The following SLC24A2 variants were observed in gnomAD, a reference collection of about 807,000 sequenced individuals.
SLC24A2 encodes the protein solute carrier family 24 member 2.
SLC24A2 carries 36 observed loss-of-function variants against 62.0 expected under a neutral mutation model. That is an observed-to-expected ratio of 0.58 (90% CI 0.44 to 0.77). The LOEUF is 0.77. Among genes scored for constraint, SLC24A2 ranks in the 30% least tolerant of loss-of-function variants. SLC24A2 has a pLI of 0.00. For missense variants in SLC24A2, 846 were observed against 817.9 expected (o/e 1.03, Z -0.42); for synonymous variants, 358 against 294.0 (o/e 1.22, Z -2.23).
intron 2 of SLC24A2, among the ~76,000 whole-genome samples, chr9:19,642,374 G>T (rs1480304360): frequency 6.6e-6 from 1 of 152,170 alleles, no homozygotes; most frequent in East Asian, 1.9e-4. Flanking sequence ...AGTCTGGCAG[G>T]GGCCAGAGCA....
chr9:20,258,861 T>C, the SLC24A2 span, among the ~76,000 whole-genome samples: 21,331 of 139,226 alleles, frequency 0.15, 1,852 homozygotes, highest in South Asian at 0.19. Context: ...ATCTAATGTC[T>C]ATCTATCCAT....
chr9:19,993,289 T>C, the SLC24A2 span, among the ~76,000 whole-genome samples: 1 of 152,218 alleles, frequency 6.6e-6, no homozygotes, highest in South Asian at 2.1e-4. Context: ...CTAGCTTTAA[T>C]AGTATTTATT....
At position 19,513,663 on chromosome 9, in the gene SLC24A2, G is replaced by T. The variant is rs1397365897; in HGVS notation, c.*2490C>A. ...GAGGCAGAGGGAGGATCAGGAATAAGAAGAGGGCGGCATCAGGTCTCCTTC... is the reference window on the plus strand; with the variant it reads ...GAGGCAGAGGGAGGATCAGGAATAATAAGAGGGCGGCATCAGGTCTCCTTC... On this transcript the variant is annotated 3_prime_UTR_variant, in exon 11 of 11. Transcript: ENST00000341998. 2 of 152,214 alleles carry T rather than the reference G, an allele frequency of 1.3e-5. No individual in the cohort carries two copies. The highest frequency in any genetic ancestry group is 2.9e-5 in the Non-Finnish European group (2 of 68,068). The allele number at this position is 152,214 out of a possible 1,614,324, so 9.4% of individuals were successfully genotyped here.
chr9:19,561,812 GGTTT>G (rs1222117713), intron 7 of SLC24A2, among the ~76,000 whole-genome samples: 1 of 152,000 alleles, frequency 6.6e-6, no homozygotes, highest in Non-Finnish European at 1.5e-5. Context: ...ACCATCATAT[GGTTT>G]GTTTTATATA....
the SLC24A2 span, among the ~76,000 whole-genome samples, chr9:20,230,640 G>A: frequency 1.4e-4 from 21 of 152,126 alleles, no homozygotes; most frequent in African/African-American, 5.1e-4. Context: ...TTAGCCCTTT[G>A]TCAGACGAGT....
chr9:19,573,375 G>C lies in SLC24A2; in HGVS notation c.1323C>G (p.His441Gln), dbSNP rs776304021. 1 of 1,612,334 alleles carries C rather than the reference G, an allele frequency of 6.2e-7. No homozygotes were observed. The highest frequency in any genetic ancestry group is 1.1e-5 in the South Asian group (1 of 91,024). The change falls in exon 7 of 11, where the codon CAC (histidine) becomes CAG (glutamine). Residue 441 changes from histidine to glutamine, a missense_variant. Transcript: ENST00000341998. The stretch of plus-strand genomic sequence containing the variant: ...CCTGGGCTTCTGCACCTTCAATGTT[G>C]TGGGAGAGATTTCCATTTTGTACAG... ...SEPVQNGNLS[H>Q]NIEGAEAQTA...
chr9:19,766,886 C>T (rs543169840), intron 2 of SLC24A2, among the ~76,000 whole-genome samples: 3 of 152,170 alleles, frequency 2.0e-5, no homozygotes, highest in Non-Finnish European at 4.4e-5. Context: ...GCTGAAGCTA[C>T]GCCCACAGCC....
chr9:20,195,903 G>T, the SLC24A2 span, among the ~76,000 whole-genome samples: 4 of 151,988 alleles, frequency 2.6e-5, no homozygotes, highest in Admixed American at 6.5e-5. Flanking sequence ...CAAAAAAAAG[G>T]TTATATAAAA....
chr9:19,942,870 A>G, the SLC24A2 span, among the ~76,000 whole-genome samples: 1 of 152,126 alleles, frequency 6.6e-6, no homozygotes. Flanking sequence ...TGAGCCAACA[A>G]AGACTTGAAG....
chr9:19,772,408 C>T (rs1157834701), intron 2 of SLC24A2, among the ~76,000 whole-genome samples: 1 of 152,150 alleles, frequency 6.6e-6, no homozygotes. Flanking sequence ...CTAGGAGCTG[C>T]TGTATCTATG....
intron 2 of SLC24A2, among the ~76,000 whole-genome samples, chr9:19,776,160 A>G (rs1282042718): frequency 6.6e-6 from 1 of 152,234 alleles, no homozygotes; most frequent in African/African-American, 2.4e-5. Flanking sequence ...AACATTTGAA[A>G]GTCACTGATT....
At chr9:20,013,295 GAC>G in the SLC24A2 span, among the ~76,000 whole-genome samples, 1 of 151,812 alleles carries the variant, frequency 6.6e-6, no homozygotes, top group Non-Finnish European at 1.5e-5. Flanking sequence ...AGTTTCCAAG[GAC>G]ACACAATGGA....
the SLC24A2 span, among the ~76,000 whole-genome samples, chr9:20,287,006 C>A: frequency 6.6e-6 from 1 of 152,168 alleles, no homozygotes; most frequent in African/African-American, 2.4e-5. Context: ...TTCCTTGACC[C>A]TACCCCAGGG....
the SLC24A2 span, among the ~76,000 whole-genome samples, chr9:20,295,495 G>T: frequency 6.6e-6 from 1 of 152,298 alleles, no homozygotes; most frequent in East Asian, 1.9e-4. Context: ...TTCTGGGTGT[G>T]TCTGTGAGGG....
At chr9:20,274,080 A>C in the SLC24A2 span, among the ~76,000 whole-genome samples, 1 of 152,226 alleles carries the variant, frequency 6.6e-6, no homozygotes, top group Non-Finnish European at 1.5e-5. Flanking sequence ...TGTGCTAGAC[A>C]CTGTTCTGAG....
At chr9:19,729,454 T>C (rs1243917564) in intron 2 of SLC24A2, among the ~76,000 whole-genome samples, 1 of 152,152 alleles carries the variant, frequency 6.6e-6, no homozygotes, top group African/African-American at 2.4e-5. Context: ...ACAATGAAGA[T>C]ATGCACTAAA....
At chr9:20,173,694 C>A in the SLC24A2 span, among the ~76,000 whole-genome samples, 4 of 151,966 alleles carry the variant, frequency 2.6e-5, no homozygotes, top group Admixed American at 2.6e-4. Flanking sequence ...TGAAATAAAT[C>A]ATAGAACACA....
At chr9:20,032,194 G>A in the SLC24A2 span, among the ~76,000 whole-genome samples, 1 of 152,118 alleles carries the variant, frequency 6.6e-6, no homozygotes, top group East Asian at 1.9e-4. Flanking sequence ...ATTGAGGCCA[G>A]GAAATGCTCT....
the SLC24A2 span, among the ~76,000 whole-genome samples, chr9:19,847,334 G>T: frequency 8.2e-3 from 1,249 of 152,178 alleles, 23 homozygotes; most frequent in African/African-American, 0.028. Flanking sequence ...GTGTTCCAAA[G>T]AATAAATTGC....
Sources: allele counts gnomAD v4.1 joint callset (sites outside exome capture counted in the v4.1 genomes callset), GRCh38; gene constraint gnomAD v4.1.1; transcripts MANE v1.5; gene names NCBI Gene and HGNC (gene_info 2026-07-23, HGNC 2026-07-21).